The following KHDRBS2 variants were observed in gnomAD, a reference collection of about 807,000 sequenced individuals.
KHDRBS2 encodes the protein KH RNA binding domain containing, signal transduction associated 2.
Under a neutral mutation model 44.3 loss-of-function variants are expected in KHDRBS2, and 26 were observed. That is an observed-to-expected ratio of 0.59 (90% CI 0.43 to 0.81). KHDRBS2 has a LOEUF of 0.81. Among genes scored for constraint, KHDRBS2 ranks in the 40% least tolerant of loss-of-function variants. KHDRBS2 has a pLI of 0.00. For missense variants in KHDRBS2, 476 were observed against 433.1 expected (o/e 1.10, Z -0.88); for synonymous variants, 194 against 151.1 (o/e 1.28, Z -2.08).
intron 3 of KHDRBS2, among the ~76,000 whole-genome samples, chr6:62,046,906 C>T (rs756022202): frequency 6.6e-5 from 10 of 151,840 alleles, no homozygotes; most frequent in Non-Finnish European, 1.3e-4. Context: ...TCTAAGAAAG[C>T]ACCCAAATGG....
At chr6:62,097,553 C>CT (rs922805237) in intron 2 of KHDRBS2, among the ~76,000 whole-genome samples, 80 of 152,082 alleles carry the variant, frequency 5.3e-4, no homozygotes, top group African/African-American at 1.9e-3. Context: ...TAATCCAGCT[C>CT]TTTTTCAGTT....
chr6:62,110,288 T>C (rs1309933549), intron 2 of KHDRBS2, among the ~76,000 whole-genome samples: 1 of 152,034 alleles, frequency 6.6e-6, no homozygotes, highest in South Asian at 2.1e-4. Context: ...GAATCCAACA[T>C]ATATCTGTCA....
At chr6:62,269,718 C>G (rs919722916) in intron 1 of KHDRBS2, among the ~76,000 whole-genome samples, 2 of 152,134 alleles carry the variant, frequency 1.3e-5, no homozygotes, top group Non-Finnish European at 2.9e-5. Context: ...TATATATGCT[C>G]TAAGACCCAG....
At chr6:62,138,458 T>C (rs1379615450) in intron 2 of KHDRBS2, among the ~76,000 whole-genome samples, 1 of 152,232 alleles carries the variant, frequency 6.6e-6, no homozygotes, top group Admixed American at 6.5e-5. Flanking sequence ...TTAAAGCAAG[T>C]GTGTCTCTAA....
the KHDRBS2 span, among the ~76,000 whole-genome samples, chr6:61,575,357 G>GA: frequency 1.3e-5 from 2 of 152,086 alleles, no homozygotes; most frequent in Non-Finnish European, 1.5e-5. Context: ...AGAAACATAT[G>GA]AAAAAATGCT....
chr6:62,066,451 ACTTT>A (rs1364315465), intron 2 of KHDRBS2, among the ~76,000 whole-genome samples: 2 of 151,640 alleles, frequency 1.3e-5, no homozygotes, highest in Non-Finnish European at 3.0e-5. Flanking sequence ...TAGAATTTTG[ACTTT>A]CTTTAAATGA....
chr6:61,784,479 T>C (rs1783482970), intron 6 of KHDRBS2, among the ~76,000 whole-genome samples: 2 of 151,932 alleles, frequency 1.3e-5, no homozygotes, highest in African/African-American at 4.8e-5. Context: ...TATTTCAGAA[T>C]AGAATTTTTC....
intron 6 of KHDRBS2, among the ~76,000 whole-genome samples, chr6:61,810,216 G>T (rs1582954920): frequency 6.6e-6 from 1 of 151,954 alleles, no homozygotes; most frequent in African/African-American, 2.4e-5. Context: ...CCAGAATACT[G>T]AGAGCGAGGT....
intron 1 of KHDRBS2, among the ~76,000 whole-genome samples, chr6:62,190,501 C>A (rs1354885255): frequency 1.3e-5 from 2 of 152,018 alleles, no homozygotes; most frequent in Non-Finnish European, 2.9e-5. Flanking sequence ...GGAACAAAAT[C>A]CTTTTGTTGA....
At chr6:62,156,976 C>A (rs1169715601) in intron 2 of KHDRBS2, among the ~76,000 whole-genome samples, 1 of 150,992 alleles carries the variant, frequency 6.6e-6, no homozygotes, top group Non-Finnish European at 1.5e-5. Context: ...TGAGCCACTG[C>A]GCCCGGCCAA....
rs1157629648 is a variant in KHDRBS2 at position 61,901,277 on chromosome 6, C to T, written c.578G>A (p.Arg193Lys). Residue 193 changes from arginine (R) to lysine (K), a missense_variant, in exon 5 of 9, where the codon AGA (arginine) becomes AAA (lysine). Physicochemically the swap from Arg to Lys is conservative, Grantham distance 26. Transcript: ENST00000281156. ...AGCTGTGGGAGCTATTCTGATCCCT[C>T]TGCCTCTAATACCTCTGCCACGACC... ...DSGRGRGIRG[R>K]GIRIAPTAPS... The T allele has an allele frequency of 6.2e-7, 1 of 1,613,790 alleles. No homozygotes were observed. Among genetic ancestry groups the T allele is most frequent in the East Asian group, 2.2e-5 (1 of 44,858 alleles).
the KHDRBS2 span, among the ~76,000 whole-genome samples, chr6:61,672,677 A>G: frequency 1.3e-5 from 2 of 151,934 alleles, no homozygotes; most frequent in Admixed American, 1.3e-4. Context: ...TCCTTTGCCC[A>G]CTTTTTGATG....
intron 6 of KHDRBS2, among the ~76,000 whole-genome samples, chr6:61,753,566 G>C (rs546207135): frequency 6.6e-6 from 1 of 152,230 alleles, no homozygotes; most frequent in South Asian, 2.1e-4. Context: ...TGGATCTTTT[G>C]CTCATATGTG....
the KHDRBS2 span, among the ~76,000 whole-genome samples, chr6:61,581,302 C>A: frequency 6.6e-6 from 1 of 152,158 alleles, no homozygotes; most frequent in African/African-American, 2.4e-5. Flanking sequence ...TGGTTTAATT[C>A]TTCTGAGAAA....
chr6:62,141,625 A>G (rs960516408), intron 2 of KHDRBS2, among the ~76,000 whole-genome samples: 10 of 152,162 alleles, frequency 6.6e-5, no homozygotes, highest in African/African-American at 2.2e-4. Flanking sequence ...GAAAAAATGT[A>G]TCATAGGCTC....
intron 4 of KHDRBS2, among the ~76,000 whole-genome samples, chr6:61,929,985 TA>T: frequency 6.6e-6 from 1 of 152,236 alleles, no homozygotes; most frequent in Non-Finnish European, 1.5e-5. Flanking sequence ...GCCAATGTGA[TA>T]GTATTAAGAT....
chr6:62,001,410 C>A (rs1778220036), intron 3 of KHDRBS2, among the ~76,000 whole-genome samples: 1 of 149,664 alleles, frequency 6.7e-6, no homozygotes, highest in Non-Finnish European at 1.5e-5. Flanking sequence ...TATTGGTGCT[C>A]TTCTTACTGT....
At chr6:61,703,395 T>A (rs934846471) in intron 7 of KHDRBS2, among the ~76,000 whole-genome samples, 5 of 151,860 alleles carry the variant, frequency 3.3e-5, no homozygotes, top group African/African-American at 1.2e-4. Context: ...GTTAAAAATA[T>A]TATGAAATAA....
intron 6 of KHDRBS2, among the ~76,000 whole-genome samples, chr6:61,833,323 A>C (rs1482154120): frequency 6.6e-6 from 1 of 152,162 alleles, no homozygotes; most frequent in East Asian, 1.9e-4. Flanking sequence ...TTTGTCCTGG[A>C]GTCTTTTCAA....
Sources: gnomAD v4.1 joint callset for allele counts (sites outside exome capture counted in the v4.1 genomes callset) on GRCh38, gnomAD v4.1.1 for gene constraint, MANE v1.5 for transcripts, NCBI Gene and HGNC (gene_info 2026-07-23, HGNC 2026-07-21) for gene names.